ST18: variants seen among roughly 807,000 people sequenced by gnomAD.
The protein encoded by ST18 is ST18 C2H2C-type zinc finger transcription factor.
A neutral mutation model predicts 110.0 loss-of-function variants in ST18; 50 were observed. The observed-to-expected ratio is 0.45, with a 90% CI of 0.36 to 0.58. The LOEUF (loss-of-function observed/expected upper bound fraction) is 0.58. Among genes scored for constraint, ST18 ranks in the 20% least tolerant of loss-of-function variants. The probability of loss-of-function intolerance (pLI) is 0.00; values close to 1 mark genes in which losing one functional copy is unlikely to be tolerated. For missense variants in ST18, 1,306 were observed against 1,280.1 expected (o/e 1.02, Z -0.31); for synonymous variants, 461 against 452.4 (o/e 1.02, Z -0.24).
chr8:52,301,871 T>A (rs765615042), intron 2 of ST18: 3 of 151,974 alleles, frequency 2.0e-5, no homozygotes, highest in Non-Finnish European at 4.4e-5. Context: ...GATGTCAGAG[T>A]CAAGGGAGCT....
In ST18 at chr8:52,131,558, C is replaced by G. The variant is rs192436671; in HGVS notation, c.2666+400G>C. Among the ~76,000 whole-genome samples the G allele has an allele frequency of 3.9e-3, 594 of 152,256 alleles. 2 individuals are homozygous for G. The highest frequency in any genetic ancestry group is 6.4e-3 in the Non-Finnish European group (433 of 68,018). On this transcript the variant is annotated intron_variant, in intron 22 of 25. Transcript: ENST00000689386. ...ACTACAATTTTGCCCCCAAATTGAGCCAGTCCATAAGACAGAGGGAATGCT... is the reference window on the plus strand; with the variant it reads ...ACTACAATTTTGCCCCCAAATTGAGGCAGTCCATAAGACAGAGGGAATGCT...
At chr8:52,290,051 C>T (rs983776567) in intron 2 of ST18, among the ~76,000 whole-genome samples, 2 of 151,996 alleles carry the variant, frequency 1.3e-5, no homozygotes, top group Non-Finnish European at 2.9e-5. Flanking sequence ...TCAGGTGCAT[C>T]GACTCTTATG....
At chr8:52,356,027 A>G (rs1822590367) in intron 2 of ST18, among the ~76,000 whole-genome samples, 1 of 152,192 alleles carries the variant, frequency 6.6e-6, no homozygotes, top group South Asian at 2.1e-4. Context: ...AAAAGGTTGG[A>G]AAAGGAAGTA....
intron 2 of ST18, among the ~76,000 whole-genome samples, chr8:52,238,216 A>G (rs2092947865): frequency 6.6e-6 from 1 of 152,170 alleles, no homozygotes; most frequent in Non-Finnish European, 1.5e-5. Context: ...CTAGGTACAT[A>G]CCCAAGAAGA....
chr8:52,266,180 G>A (rs190917568), intron 2 of ST18, among the ~76,000 whole-genome samples: 15 of 152,266 alleles, frequency 9.9e-5, no homozygotes, highest in African/African-American at 3.4e-4. Context: ...CAATTAAAGG[G>A]AAAAATGCTA....
chr8:52,343,860 C>A (rs1009840998), intron 2 of ST18, among the ~76,000 whole-genome samples: 1 of 152,142 alleles, frequency 6.6e-6, no homozygotes, highest in Non-Finnish European at 1.5e-5. Flanking sequence ...AAAGTATTAA[C>A]ATTTCCTGCT....
chr8:52,207,423 T>C (rs1375776278), intron 8 of ST18, among the ~76,000 whole-genome samples: 2 of 152,172 alleles, frequency 1.3e-5, no homozygotes, highest in African/African-American at 4.8e-5. Context: ...GCCCAGGAGG[T>C]TGAGGCTCCA....
chr8:52,327,799 A>G (rs974887950), intron 2 of ST18, among the ~76,000 whole-genome samples: 3 of 152,208 alleles, frequency 2.0e-5, no homozygotes, highest in African/African-American at 7.2e-5. Flanking sequence ...TTGAGCCAAC[A>G]CTTGCTTCAA....
intron 2 of ST18, among the ~76,000 whole-genome samples, chr8:52,295,740 G>T (rs2095624529): frequency 7.1e-6 from 1 of 140,726 alleles, no homozygotes; most frequent in African/African-American, 2.6e-5. Flanking sequence ...AATTAAGGGA[G>T]ACAAGCTCCA....
At chr8:52,145,139 T>C (rs1162176526) in intron 16 of ST18, among the ~76,000 whole-genome samples, 5 of 152,004 alleles carry the variant, frequency 3.3e-5, no homozygotes, top group Non-Finnish European at 7.4e-5. Flanking sequence ...AAAGTCTCTC[T>C]AAGAAGACAT....
At chr8:52,148,130 G>A (rs753749023) in intron 16 of ST18, among the ~76,000 whole-genome samples, 5 of 151,590 alleles carry the variant, frequency 3.3e-5, no homozygotes, top group South Asian at 2.1e-4. Context: ...GTTTGTGGTC[G>A]TCATTTGAGG....
chr8:52,381,905 A>T (rs149119691), intron 2 of ST18, among the ~76,000 whole-genome samples: 1 of 152,136 alleles, frequency 6.6e-6, no homozygotes, highest in African/African-American at 2.4e-5. Flanking sequence ...GAACAAATTC[A>T]TGAAATTTAA....
chr8:52,387,378 T>C (rs1590577004), intron 2 of ST18, among the ~76,000 whole-genome samples: 1 of 152,220 alleles, frequency 6.6e-6, no homozygotes, highest in African/African-American at 2.4e-5. Context: ...CTGTCACTAT[T>C]ACCAATATGT....
chr8:52,267,498 A>AAC (rs1304830794), intron 2 of ST18, among the ~76,000 whole-genome samples: 1 of 151,134 alleles, frequency 6.6e-6, no homozygotes, highest in Non-Finnish European at 1.5e-5. Flanking sequence ...AAAAAAAAAA[A>AAC]AAAAAACCCA....
intron 2 of ST18, among the ~76,000 whole-genome samples, chr8:52,370,906 G>A (rs1306388549): frequency 1.3e-5 from 2 of 152,190 alleles, no homozygotes; most frequent in Non-Finnish European, 2.9e-5. Context: ...CTATGTAAAA[G>A]GAGAAATATG....
intron 2 of ST18, among the ~76,000 whole-genome samples, chr8:52,234,547 C>A (rs983935944): frequency 9.2e-5 from 14 of 152,054 alleles, no homozygotes; most frequent in African/African-American, 3.4e-4. Context: ...ACCCACCACG[C>A]CCTGCCAGAA....
chr8:52,287,808 C>T (rs529187544), intron 2 of ST18, among the ~76,000 whole-genome samples: 82 of 152,286 alleles, frequency 5.4e-4, no homozygotes, highest in African/African-American at 1.9e-3. Flanking sequence ...AGTTACATAT[C>T]TGAGCTAGTG....
At chr8:52,234,561 C>T (rs544987050) in intron 2 of ST18, among the ~76,000 whole-genome samples, 1 of 152,220 alleles carries the variant, frequency 6.6e-6, no homozygotes, top group South Asian at 2.1e-4. Context: ...GCCAGAACTA[C>T]CATTTGATAC....
intron 2 of ST18, among the ~76,000 whole-genome samples, chr8:52,387,359 A>G (rs550529282): frequency 3.3e-5 from 5 of 152,180 alleles, no homozygotes; most frequent in Non-Finnish European, 7.3e-5. Flanking sequence ...AGGATTTCAA[A>G]AAGAGTCACT....
Sources: allele counts gnomAD v4.1 joint callset (sites outside exome capture counted in the v4.1 genomes callset), GRCh38; gene constraint gnomAD v4.1.1; transcripts MANE v1.5; gene names NCBI Gene and HGNC (gene_info 2026-07-23, HGNC 2026-07-21).